The following SLC22A24 variants were observed in gnomAD, a reference collection of about 807,000 sequenced individuals.
The protein encoded by SLC22A24 is solute carrier family 22 member 24.
Under a neutral mutation model 49.8 loss-of-function variants are expected in SLC22A24, and 53 were observed. The observed-to-expected ratio is 1.06, with a 90% CI of 0.85 to 1.34. SLC22A24 has a LOEUF of 1.34. Among genes scored for constraint, SLC22A24 ranks in the 40% most tolerant of loss-of-function variants. The pLI is 0.00. For missense variants in SLC22A24, 786 were observed against 675.9 expected (o/e 1.16, Z -1.81); for synonymous variants, 302 against 256.4 (o/e 1.18, Z -1.70).
intron 6 of SLC22A24, 29 bp from the exon 7 acceptor site, chr11:63,083,486 A>G (rs751618328): frequency 6.7e-7 from 1 of 1,495,702 alleles, no homozygotes. Flanking sequence ...ACAAAGACAT[A>G]TTCAATAAGA....
At chr11:63,133,650 T>C (rs2087353197) in intron 2 of SLC22A24, among the ~76,000 whole-genome samples, 1 of 152,088 alleles carries the variant, frequency 6.6e-6, no homozygotes, top group African/African-American at 2.4e-5. Flanking sequence ...TTTTCTTTTT[T>C]CTTTTTTTTC....
intron 6 of SLC22A24, among the ~76,000 whole-genome samples, chr11:63,085,808 T>C (rs1300237300): frequency 1.3e-5 from 2 of 152,206 alleles, no homozygotes; most frequent in Admixed American, 6.5e-5. Context: ...AAAATAATTA[T>C]CATAATCCTG....
At chr11:63,096,527 C>A (rs1016917323) in intron 5 of SLC22A24, among the ~76,000 whole-genome samples, 1 of 152,150 alleles carries the variant, frequency 6.6e-6, no homozygotes, top group Non-Finnish European at 1.5e-5. Flanking sequence ...GCTGGGTCCA[C>A]TTTATGATTA....
intron 2 of SLC22A24, among the ~76,000 whole-genome samples, chr11:63,126,520 A>G (rs555851587): frequency 1.9e-4 from 29 of 152,180 alleles, no homozygotes; most frequent in African/African-American, 5.5e-4. Context: ...TGGTCTATAT[A>G]TCTGTTTTGG....
intron 5 of SLC22A24, among the ~76,000 whole-genome samples, chr11:63,099,483 TG>T (rs1029486274): frequency 3.5e-5 from 5 of 144,892 alleles, no homozygotes; most frequent in Non-Finnish European, 6.0e-5. Flanking sequence ...CCCAAATTGC[TG>T]GCCTTACCAA....
intron 4 of SLC22A24, among the ~76,000 whole-genome samples, chr11:63,106,576 C>T (rs1468170594): frequency 2.0e-5 from 3 of 152,184 alleles, no homozygotes; most frequent in South Asian, 2.1e-4. Context: ...TTCTCCACAT[C>T]CTCTCCAGCA....
intron 4 of SLC22A24, among the ~76,000 whole-genome samples, chr11:63,108,370 AT>A (rs2134655549): frequency 6.6e-6 from 1 of 152,302 alleles, no homozygotes; most frequent in South Asian, 2.1e-4. Context: ...ATCAATGTTC[AT>A]CAGGGATATT....
chr11:63,082,529 T>C (rs2086965957), intron 7 of SLC22A24, among the ~76,000 whole-genome samples: 1 of 152,198 alleles, frequency 6.6e-6, no homozygotes, highest in Non-Finnish European at 1.5e-5. Flanking sequence ...CCATAATCAT[T>C]ACAGAAGGTC....
intron 2 of SLC22A24, among the ~76,000 whole-genome samples, chr11:63,134,109 T>C (rs1012272584): frequency 6.6e-6 from 1 of 152,230 alleles, no homozygotes; most frequent in Admixed American, 6.5e-5. Flanking sequence ...AATGTCTTCC[T>C]ATCCTGTGAG....
intron 8 of SLC22A24, 89 bp from the exon 9 acceptor site, chr11:63,081,212 A>G: frequency 9.0e-6 from 10 of 1,113,050 alleles, no homozygotes; most frequent in Non-Finnish European, 1.3e-5. Flanking sequence ...GGGGACCAGT[A>G]CAACAGAGTT....
Position 63,118,671 on chromosome 11 carries a change from C to G in SLC22A24, c.830+241G>C. On this transcript the variant is annotated intron_variant, in intron 4 of 9. Transcript: ENST00000612278. ...CTTCAAAAATAAGTGGGTATTTTTTCTATTAAGAAAAATAATTTCATGATA... is the reference window on the plus strand; with the variant it reads ...CTTCAAAAATAAGTGGGTATTTTTTGTATTAAGAAAAATAATTTCATGATA... 10 of 537,098 alleles carry G rather than the reference C, an allele frequency of 1.9e-5. No homozygotes were observed. The South Asian group carries it at 3.0e-4, about 16-fold the overall frequency. The allele number at this position is 537,098 out of a possible 1,614,324, so 33.3% of individuals were successfully genotyped here.
chr11:63,137,914 C>T (rs1202731867), intron 1 of SLC22A24: 1 of 152,134 alleles, frequency 6.6e-6, no homozygotes, highest in Non-Finnish European at 1.5e-5. Flanking sequence ...TCTGGTCTCT[C>T]TCTGTCTTTC....
In SLC22A24 at chr11:63,119,202, A is replaced by G; in HGVS notation, c.640T>C (p.Leu214=). The G allele has an allele frequency of 6.5e-7, 1 of 1,544,640 alleles. No individual in the cohort carries two copies. The highest frequency in any genetic ancestry group is 8.7e-7 in the Non-Finnish European group (1 of 1,144,888). Residue 214 remains leucine, a synonymous_variant, in exon 3 of 10, where the codon TTG becomes CTG. Transcript: ENST00000612278. ...TTACTGAGAATAAAAGTGTTTCCCA[A>G]AATAGTCATGGTGGAGAACCCTGCC... ...FLAGFSTMTI[L]GNTFILSLEW... is the part of the protein sequence containing the mutation.
At chr11:63,096,482 G>T (rs1034107336) in intron 5 of SLC22A24, among the ~76,000 whole-genome samples, 1 of 152,120 alleles carries the variant, frequency 6.6e-6, no homozygotes, top group African/African-American at 2.4e-5. Context: ...ATGAGAGAAG[G>T]TGTTTATTTT....
intron 4 of SLC22A24, among the ~76,000 whole-genome samples, chr11:63,109,014 A>C (rs1387925873): frequency 1.7e-5 from 2 of 116,474 alleles, no homozygotes; most frequent in African/African-American, 3.5e-5. Flanking sequence ...ACCCCACAAC[A>C]GTCCCCAGAG....
rs76718173 is a variant in SLC22A24, at chr11:63,143,752, C to T, written c.28G>A (p.Val10Met). ...ATCTGGAATCTCCCCATGCCACCCA[C>T]TTGATCCAGGAGCACATCAAAGCCC... is the stretch of plus-strand genomic sequence containing the variant. MGFDVLLDQVGGMGRFQICL... is the reference protein window; with the variant it reads MGFDVLLDQMGGMGRFQICL... The change falls in exon 1 of 10, where the codon GTG becomes ATG. Residue 10 changes from valine to methionine, a missense_variant. Coordinates refer to ENST00000612278, the MANE Select transcript of SLC22A24 (RefSeq NM_001136506.2). The T allele has an allele frequency of 8.6e-4, 1,268 of 1,466,840 alleles. 2 individuals are homozygous for T. The African/African-American group carries it at 0.015, about 17-fold the overall frequency. The allele number at this position is 1,466,840 out of a possible 1,614,324, so 90.9% of individuals were successfully genotyped here. A position where few individuals can be genotyped will look rare whatever the true frequency, so the allele number is the denominator to read the frequency against.
chr11:63,144,141 C>G lies in SLC22A24; in HGVS notation c.-362G>C, dbSNP rs1186819056. The G allele has an allele frequency of 5.7e-6, 1 of 175,164 alleles. No individual in the cohort carries two copies. The highest frequency in any genetic ancestry group is 1.5e-4 in the East Asian group (1 of 6,836). 10.9% of individuals were successfully genotyped at this position (175,164 alleles called of 1,614,324 possible). On this transcript the variant is annotated 5_prime_UTR_variant, in exon 1 of 10. Transcript: ENST00000612278. ...GTGGATTTTCAGGTGGATGCAGTCC[C>G]CACGTGACCTAAAATACACCTGTTC...
rs527648815 is a variant in SLC22A24 at position 63,104,280 on chromosome 11, A to T, written c.849T>A (p.Ala283=). Reference sequence around the variant, plus strand: ...GCTGATTGTTGATAATCAGCCACCGAGCAGACTCCACCATCTTCCTGATGA... The same window carrying T: ...GCTGATTGTTGATAATCAGCCACCGTGCAGACTCCACCATCTTCCTGATGA... ...FLSSWKMVES[A]RWLIINNQLD... is the part of the protein sequence containing the mutation. The change falls in exon 5 of 10, where the codon GCT becomes GCA. Residue 283 remains alanine, a synonymous_variant. Coordinates refer to ENST00000612278, the MANE Select transcript of SLC22A24 (RefSeq NM_001136506.2). The T allele has an allele frequency of 1.3e-6, 2 of 1,550,208 alleles. No homozygotes were observed. Among genetic ancestry groups the T allele is most frequent in the East Asian group, 2.4e-5 (1 of 40,896 alleles).
rs542823786 is a variant in SLC22A24 at position 63,095,848 on chromosome 11, C to T, written c.1070+143G>A. On this transcript the variant is annotated intron_variant, in intron 6 of 9. Coordinates refer to ENST00000612278, the MANE Select transcript of SLC22A24 (RefSeq NM_001136506.2). ...AATATTAGGCTATCTAAAAATGTGGCACTTAGAGGCATACATTTGTATGTG... is the reference window on the plus strand; with the variant it reads ...AATATTAGGCTATCTAAAAATGTGGTACTTAGAGGCATACATTTGTATGTG... 2.5e-4 allele frequency: 156 copies of T among 621,354 alleles called. No homozygotes were observed. In the Admixed American group the frequency reaches 3.9e-3, roughly 15 times the overall value. 38.5% of individuals were successfully genotyped at this position (621,354 alleles called of 1,614,324 possible).
Sources: allele counts gnomAD v4.1 joint callset (sites outside exome capture counted in the v4.1 genomes callset), GRCh38; gene constraint gnomAD v4.1.1; transcripts MANE v1.5; gene names NCBI Gene and HGNC (gene_info 2026-07-23, HGNC 2026-07-21).